The following TTN variants were observed in gnomAD, a reference collection of about 807,000 sequenced individuals.
TTN encodes connectin.
TTN carries 1,525 observed loss-of-function variants against 3,223.0 expected under a neutral mutation model. The observed-to-expected ratio is 0.47, with a 90% CI of 0.45 to 0.49. The LOEUF (loss-of-function observed/expected upper bound fraction) is 0.49, where lower values mean the gene tolerates loss of function less well. TTN is among the 20% of genes least tolerant of loss of function. TTN has a pLI of 0.00. For missense variants in TTN, 40,786 were observed against 43,424.0 expected (o/e 0.94, Z 5.40); for synonymous variants, 14,094 against 15,161.0 (o/e 0.93, Z 5.17).
Position 178,527,663 on chromosome 2 carries a change from G to T in TTN, c.107463C>A (p.Val35821=). The change falls in exon 362 of 363, where the codon GTC becomes GTA. Residue 35821 remains valine, a synonymous_variant. Coordinates refer to ENST00000589042, the MANE Select transcript of TTN (RefSeq NM_001267550.2). ...SLQGSFSSQS[V]QMSASKQEAS... is the part of the protein sequence containing the mutation. ...CCTCCTGCTTGGAGGCAGACATTTG[G>T]ACTGACTGAGACGAGAAGCTTCCTT... 1 of 1,613,862 alleles carries T rather than the reference G, an allele frequency of 6.2e-7. No homozygotes were observed. The highest frequency in any genetic ancestry group is 1.1e-5 in the South Asian group (1 of 91,078).
chr2:178,542,157 T>C, intron 349 of TTN, 107 bp downstream of exon 349: 1 of 1,182,204 alleles, frequency 8.5e-7, no homozygotes, highest in Non-Finnish European at 1.2e-6. Context: ...CAGGGTTAAT[T>C]TTGTGACCTA....
At chr2:178,668,788 G>A (rs1216961652) in intron 159 of TTN, among the ~76,000 whole-genome samples, 2 of 150,860 alleles carry the variant, frequency 1.3e-5, no homozygotes, top group African/African-American at 4.9e-5. Flanking sequence ...TACTATTCAG[G>A]TTGTTGAACA....
chr2:178,764,689 C>T lies in TTN; in HGVS notation c.9826G>A (p.Glu3276Lys), dbSNP rs929694215. The change falls in exon 42 of 363, where the codon GAG becomes AAG. Residue 3276 changes from glutamate to lysine, a missense_variant. Physicochemically the swap from Glu to Lys is moderately conservative, Grantham distance 56. Transcript: ENST00000589042. ...PQPKISWYKE[E>K]QLLSTGFKCK... ...TTGAAGCCAGTGGAAAGCAGCTGCT[C>T]TTCCTTGTACCAGGAAATTTTGGGC... The T allele has an allele frequency of 1.2e-6, 2 of 1,614,136 alleles. No individual in the cohort carries two copies. Among genetic ancestry groups the T allele is most frequent in the South Asian group, 1.1e-5 (1 of 91,088 alleles).
rs1310304613 is a variant in TTN at position 178,799,677 on chromosome 2, C to T, written c.724G>A (p.Asp242Asn). 6.2e-7 allele frequency: 1 copy of T among 1,614,048 alleles called. No individual in the cohort carries two copies. Among genetic ancestry groups the T allele is most frequent in the Non-Finnish European group, 8.5e-7 (1 of 1,180,040 alleles). ...GGCAGCTGTTGCCCAGCGGCACCATCTATGACCATCTCAACTGTTGCAATT... is the reference window on the plus strand; with the variant it reads ...GGCAGCTGTTGCCCAGCGGCACCATTTATGACCATCTCAACTGTTGCAATT... ...RSIATVEMVI[D>N]GAAGQQLPHK... Residue 242 changes from aspartate to asparagine, a missense_variant, in exon 6 of 363, where the codon GAT becomes AAT. Transcript: ENST00000589042.
chr2:178,773,609 C>T lies in TTN; in HGVS notation c.7447G>A (p.Glu2483Lys). Residue 2483 changes from glutamate to lysine, a missense_variant, in exon 32 of 363, where the codon GAA becomes AAA. Physicochemically the swap from Glu to Lys is moderately conservative, Grantham distance 56. Transcript: ENST00000589042. ...VTSVKWYLND[E>K]QIKPDDRVQA... ...ACACGGTCATCAGGCTTGATTTGTT[C>T]ATCATTTAAGTACCACTTAACAGAA... is the stretch of plus-strand genomic sequence containing the variant. 1 of 1,613,982 alleles carries T rather than the reference C, an allele frequency of 6.2e-7. No individual in the cohort carries two copies. The highest frequency in any genetic ancestry group is 8.5e-7 in the Non-Finnish European group (1 of 1,179,962).
In TTN at chr2:178,650,745, G is replaced by A. The variant is rs72650067; in HGVS notation, c.39709+6C>T. 7.0e-3 allele frequency: 11,250 copies of A among 1,598,416 alleles called. 51 individuals carry two copies. The highest frequency in any genetic ancestry group is 8.4e-3 in the Non-Finnish European group (9,841 of 1,171,710). Reference sequence around the variant, plus strand: ...CAAGGTCATTAATCACCGGTCTCACGTGTACCTTCTGGGGGAGGAGACTCC... The same window carrying A: ...CAAGGTCATTAATCACCGGTCTCACATGTACCTTCTGGGGGAGGAGACTCC... On this transcript the variant is annotated splice_donor_region_variant and intron_variant, in intron 209 of 362. Transcript: ENST00000589042.
In TTN at chr2:178,617,112, C is replaced by A. The variant is rs144688960; in HGVS notation, c.47875+8G>T. 6.8e-6 allele frequency: 11 copies of A among 1,610,374 alleles called. No homozygotes were observed. The East Asian group carries it at 2.5e-4, about 36-fold the overall frequency. On this transcript the variant is annotated splice_region_variant and intron_variant, in intron 255 of 362. Coordinates refer to ENST00000589042, the MANE Select transcript of TTN (RefSeq NM_001267550.2). ...ATTCCCCGATCTAAAAATAAAATAT[C>A]TATTTACCAAATGCATCGTCAGCGG...
chr2:178,554,915 A>G lies in TTN; in HGVS notation c.88544T>C (p.Leu29515Pro). 1.2e-6 allele frequency: 2 copies of G among 1,613,838 alleles called. No individual in the cohort carries two copies. Among genetic ancestry groups the G allele is most frequent in the Non-Finnish European group, 1.7e-6 (2 of 1,179,834 alleles). ...TGAGGCTGAGCCCATGGCATTCCTT[A>G]GTTTTAATTCATAGCATCCACTATT... ...RLNSGCYELKLRNAMGSASAT... is the reference protein window; with the variant it reads ...RLNSGCYELKPRNAMGSASAT... The change falls in exon 331 of 363, where the codon CTA becomes CCA. Residue 29515 changes from leucine (L) to proline (P), a missense_variant. Leu to Pro is a moderately conservative substitution (Grantham distance 98, BLOSUM62 -3). Coordinates refer to ENST00000589042, the MANE Select transcript of TTN (RefSeq NM_001267550.2).
chr2:178,749,452 C>T (rs545081791), intron 47 of TTN: 5 of 1,612,840 alleles, frequency 3.1e-6, no homozygotes, highest in South Asian at 1.1e-5. Flanking sequence ...GGTCTATTTG[C>T]TCAATAGTCT....
Position 178,590,999 on chromosome 2 carries a change from A to T in TTN, c.60726T>A (p.Tyr20242Ter), listed in dbSNP as rs145423907. ...TATTCTCTGCTCTAACTCGGAAAAC[A>T]TATTCACAGCCCTTCTGCAGATGTG... ...KIPHLQKGCE[Y>*]VFRVRAENKI... The change falls in exon 304 of 363, where the codon TAT becomes TAA. Residue 20242 changes from tyrosine to a stop codon, truncating the protein, a stop_gained. Transcript: ENST00000589042. LOFTEE classifies it high-confidence loss of function. The T allele has an allele frequency of 6.2e-7, 1 of 1,613,506 alleles. No individual in the cohort carries two copies. The highest frequency in any genetic ancestry group is 2.2e-5 in the East Asian group (1 of 44,822).
rs1420626943 is a variant in TTN at position 178,571,275 on chromosome 2, T to C, written c.74857A>G (p.Ile24953Val). 6.2e-7 allele frequency: 1 copy of C among 1,613,544 alleles called. No homozygotes were observed. Among genetic ancestry groups the C allele is most frequent in the East Asian group, 2.2e-5 (1 of 44,800 alleles). The change falls in exon 326 of 363, where the codon ATC (isoleucine) becomes GTC (valine). Residue 24953 changes from isoleucine (I) to valine (V), a missense_variant. Ile to Val is a conservative substitution (Grantham distance 29). Coordinates refer to ENST00000589042, the MANE Select transcript of TTN (RefSeq NM_001267550.2). ...YHLERKERNSILWVKLNKTPI... is the reference protein window; with the variant it reads ...YHLERKERNSVLWVKLNKTPI... ...GTTTTATTCAACTTAACCCAGAGGA[T>C]GCTATTTCTTTCCTTGCGTTCTAGA...
At position 178,568,508 on chromosome 2, in the gene TTN, A is replaced by G. The variant is rs370374073; in HGVS notation, c.77624T>C (p.Val25875Ala). ...GATGGATGCTGTCTTCTGACCAACA[A>G]CATTGGCAACTGTGATTCCATATTG... Reference protein sequence around the residue: ...GGQYGITVANVVGQKTASIEI... With the variant: ...GGQYGITVANAVGQKTASIEI... The change falls in exon 326 of 363, where the codon GTT becomes GCT. Residue 25875 changes from valine to alanine, a missense_variant. Coordinates refer to ENST00000589042, the MANE Select transcript of TTN (RefSeq NM_001267550.2). 1.7e-5 allele frequency: 27 copies of G among 1,613,304 alleles called. No homozygotes were observed. In the African/African-American group the frequency reaches 2.9e-4, roughly 18 times the overall value.
At position 178,614,334 on chromosome 2, in the gene TTN, G is replaced by A. The variant is rs762930123; in HGVS notation, c.49063C>T (p.Pro16355Ser). The A allele has an allele frequency of 2.5e-6, 4 of 1,612,464 alleles. No individual in the cohort carries two copies. Among genetic ancestry groups the A allele is most frequent in the Non-Finnish European group, 3.4e-6 (4 of 1,179,166 alleles). Residue 16355 changes from proline (P) to serine (S), a missense_variant, in exon 262 of 363, where the codon CCA becomes TCA. Pro to Ser is a moderately conservative substitution (Grantham distance 74). Coordinates refer to ENST00000589042, the MANE Select transcript of TTN (RefSeq NM_001267550.2). ...EVNVLDKPGP[P>S]AAFDITDVTN... ...ACATCTGTGATGTCAAAGGCAGCTG[G>A]TGGTCCGGGTTTATCTGTGTATGGC...
Position 178,547,255 on chromosome 2 carries a change from C to G in TTN, c.94270G>C (p.Ala31424Pro). 1 of 1,613,710 alleles carries G rather than the reference C, an allele frequency of 6.2e-7. No individual in the cohort carries two copies. The highest frequency in any genetic ancestry group is 1.1e-5 in the South Asian group (1 of 91,074). The change falls in exon 340 of 363, where the codon GCC becomes CCC. Residue 31424 changes from alanine (A) to proline (P), a missense_variant. Ala to Pro is a conservative substitution (Grantham distance 27). Transcript: ENST00000589042. Reference sequence around the variant, plus strand: ...GGTTCTTCCCAACGAATAGACATGGCATTGGCAGACACATGGTAGACCTCA... The same window carrying G: ...GGTTCTTCCCAACGAATAGACATGGGATTGGCAGACACATGGTAGACCTCA... ...RPEVYHVSAN[A>P]MSIRWEEPYH... is the part of the protein sequence containing the mutation.
In TTN at chr2:178,684,415, T is replaced by C; in HGVS notation, c.32639-2A>G. 6.2e-7 allele frequency: 1 copy of C among 1,613,300 alleles called. No homozygotes were observed. Among genetic ancestry groups the C allele is most frequent in the Non-Finnish European group, 8.5e-7 (1 of 1,179,488 alleles). Reference sequence around the variant, plus strand: ...TAATTTGCATGTGCCTCTCAGTCACTTAAAAGATAATTTTAGGATTAGGGA... The same window carrying C: ...TAATTTGCATGTGCCTCTCAGTCACCTAAAAGATAATTTTAGGATTAGGGA... On this transcript the variant is annotated splice_acceptor_variant, in intron 131 of 362. Coordinates refer to ENST00000589042, the MANE Select transcript of TTN (RefSeq NM_001267550.2). LOFTEE classifies it high-confidence loss of function.
Position 178,547,953 on chromosome 2 carries a change from T to C in TTN, c.93673A>G (p.Ile31225Val), listed in dbSNP as rs529500497. Residue 31225 changes from isoleucine to valine, a missense_variant, in exon 339 of 363, where the codon ATA (isoleucine) becomes GTA (valine). Physicochemically the swap from Ile to Val is conservative, Grantham distance 29. Transcript: ENST00000589042. ...ADLTGITNQL[I>V]TCKAGSPFTI... Reference sequence around the variant, plus strand: ...AATGGGCTTCCTGCTTTGCAAGTTATAAGCTGATTGGTAATTCCAGTGAGG... The same window carrying C: ...AATGGGCTTCCTGCTTTGCAAGTTACAAGCTGATTGGTAATTCCAGTGAGG... The C allele has an allele frequency of 5.0e-6, 8 of 1,613,774 alleles. No homozygotes were observed. In the East Asian group the frequency reaches 1.6e-4, roughly 31 times the overall value.
Position 178,570,320 on chromosome 2 carries a change from T to C in TTN, c.75812A>G (p.Glu25271Gly), listed in dbSNP as rs1163400034. ...TATACGGAAAGTATATTCATTGCCT[T>C]CAAGAAGCTTAGTAACCTTGCAGCT... ...TLSCKVTKLL[E>G]GNEYTFRIMA... Residue 25271 changes from glutamate to glycine, a missense_variant, in exon 326 of 363, where the codon GAA becomes GGA. Physicochemically the swap from Glu to Gly is moderately conservative, Grantham distance 98 (BLOSUM62 -2). Coordinates refer to ENST00000589042, the MANE Select transcript of TTN (RefSeq NM_001267550.2). 8 of 1,613,196 alleles carry C rather than the reference T, an allele frequency of 5.0e-6. No homozygotes were observed. The highest frequency in any genetic ancestry group is 6.8e-6 in the Non-Finnish European group (8 of 1,179,604).
chr2:178,561,137 G>A lies in TTN; in HGVS notation c.84995C>T (p.Ala28332Val). ...RYEFRVFARN[A>V]ADSVSEPSES... ...AGATGGCTCACTAACTGAGTCAGCA[G>A]CATTCCTTGCAAAAACCCGGAATTC... Residue 28332 changes from alanine (A) to valine (V), a missense_variant, in exon 326 of 363, where the codon GCT (alanine) becomes GTT (valine). Coordinates refer to ENST00000589042, the MANE Select transcript of TTN (RefSeq NM_001267550.2). 3 of 1,613,792 alleles carry A rather than the reference G, an allele frequency of 1.9e-6. No homozygotes were observed. Among genetic ancestry groups the A allele is most frequent in the Non-Finnish European group, 2.5e-6 (3 of 1,179,822 alleles).
Position 178,641,226 on chromosome 2 carries a change from C to T in TTN, c.40633+15G>A, listed in dbSNP as rs1226804572. 2.0e-6 allele frequency: 3 copies of T among 1,477,254 alleles called. No individual in the cohort carries two copies. The highest frequency in any genetic ancestry group is 1.3e-5 in the South Asian group (1 of 76,820). The allele number at this position is 1,477,254 out of a possible 1,614,324, so 91.5% of individuals were successfully genotyped here. A position where few individuals can be genotyped will look rare whatever the true frequency, so the allele number is the denominator to read the frequency against. On this transcript the variant is annotated intron_variant, in intron 220 of 362. Coordinates refer to ENST00000589042, the MANE Select transcript of TTN (RefSeq NM_001267550.2). ...GTTAAAAGATAATCTTACAAATTGTCACTGAGATTCCTACCTGCAGGTTTT... is the reference window on the plus strand; with the variant it reads ...GTTAAAAGATAATCTTACAAATTGTTACTGAGATTCCTACCTGCAGGTTTT...
Sources: gnomAD v4.1 joint callset for allele counts (sites outside exome capture counted in the v4.1 genomes callset) on GRCh38, gnomAD v4.1.1 for gene constraint, MANE v1.5 for transcripts, NCBI Gene and HGNC (gene_info 2026-07-23, HGNC 2026-07-21) for gene names.